CPNE4: variants seen among roughly 807,000 people sequenced by gnomAD.
CPNE4 encodes the protein copine 4, also known as copine-4.
In CPNE4, 25 loss-of-function variants were observed where a neutral mutation model predicts 67.9. The observed-to-expected ratio is 0.37, with a 90% CI of 0.27 to 0.51. The LOEUF (loss-of-function observed/expected upper bound fraction) is 0.51. CPNE4 is among the 20% of genes least tolerant of loss of function. The pLI is 0.93. For synonymous variants in CPNE4, 242 were observed against 244.9 expected, an observed-to-expected ratio of 0.99 and a Z score of 0.11; for missense variants, 464 against 690.8, an observed-to-expected ratio of 0.67 and a Z score of 3.68.
intron 1 of CPNE4, among the ~76,000 whole-genome samples, chr3:131,930,562 T>A (rs1032103255): frequency 6.6e-6 from 1 of 152,196 alleles, no homozygotes; most frequent in African/African-American, 2.4e-5. Context: ...CTGTCCTTGG[T>A]ACATTTTATA....
intron 2 of CPNE4, among the ~76,000 whole-genome samples, chr3:131,812,057 G>A (rs2084550801): frequency 6.6e-6 from 1 of 152,076 alleles, no homozygotes; most frequent in Admixed American, 6.6e-5. Flanking sequence ...AGAAATTTTA[G>A]TGTGCTGCCT....
chr3:131,676,040 ATT>A, intron 6 of CPNE4, among the ~76,000 whole-genome samples: 1 of 117,496 alleles, frequency 8.5e-6, no homozygotes, highest in Non-Finnish European at 1.5e-5. Flanking sequence ...TATTATTATT[ATT>A]ATTATTATTA....
chr3:132,017,218 G>T (rs1158206731), intron 1 of CPNE4, among the ~76,000 whole-genome samples: 1 of 151,982 alleles, frequency 6.6e-6, no homozygotes, highest in African/African-American at 2.4e-5. Flanking sequence ...ATGAGCAGAT[G>T]GATATAAAGG....
intron 11 of CPNE4, among the ~76,000 whole-genome samples, chr3:131,560,506 C>T (rs948260692): frequency 6.6e-6 from 1 of 152,020 alleles, no homozygotes; most frequent in African/African-American, 2.4e-5. Context: ...CTTGACCACC[C>T]CTCTTCCCAC....
chr3:131,568,482 G>A (rs1438134406), intron 10 of CPNE4, among the ~76,000 whole-genome samples: 1 of 152,134 alleles, frequency 6.6e-6, no homozygotes, highest in Non-Finnish European at 1.5e-5. Flanking sequence ...CGGTGAGCTC[G>A]CAGAGCCACC....
chr3:131,910,942 T>C (rs961288482), intron 1 of CPNE4, among the ~76,000 whole-genome samples: 8 of 152,128 alleles, frequency 5.3e-5, no homozygotes, highest in Admixed American at 4.6e-4. Flanking sequence ...GGAAAAGAGC[T>C]AAACTAGAAC....
rs534452152 is a variant in CPNE4, at chr3:131,773,815, G to A, written c.181-50190C>T. Among the ~76,000 whole-genome samples the A allele has an allele frequency of 3.7e-4, 57 of 152,086 alleles. 1 individual carries two copies. The South Asian group carries it at 9.4e-3, about 25-fold the overall frequency. On this transcript the variant is annotated intron_variant, in intron 2 of 15. Coordinates refer to ENST00000429747, the MANE Select transcript of CPNE4 (RefSeq NM_130808.3). The stretch of plus-strand genomic sequence containing the variant: ...TGATTTTTAATAACTGTGAAATCTC[G>A]CATCCTGTTTTTCTACATCATGTGC...
chr3:131,569,696 A>C (rs1036706080), intron 10 of CPNE4, among the ~76,000 whole-genome samples: 1 of 151,706 alleles, frequency 6.6e-6, no homozygotes, highest in Non-Finnish European at 1.5e-5. Context: ...GAAAGAAAGA[A>C]AGAGAGAAAG....
At chr3:131,923,461 T>C (rs1583460223) in intron 1 of CPNE4, among the ~76,000 whole-genome samples, 1 of 151,752 alleles carries the variant, frequency 6.6e-6, no homozygotes, top group Non-Finnish European at 1.5e-5. Context: ...TTCCAGCACT[T>C]TGGGAGGCCA....
intron 1 of CPNE4, among the ~76,000 whole-genome samples, chr3:132,029,899 T>C (rs548422096): frequency 6.6e-6 from 1 of 152,364 alleles, no homozygotes; most frequent in South Asian, 2.1e-4. Flanking sequence ...TCTCTTTGTT[T>C]ACTTTATTGA....
At chr3:131,632,016 A>T (rs775389928) in intron 7 of CPNE4, among the ~76,000 whole-genome samples, 23 of 150,664 alleles carry the variant, frequency 1.5e-4, no homozygotes, top group Non-Finnish European at 3.1e-4. Flanking sequence ...AGGCACGAGA[A>T]TCGCTTGAGC....
intron 2 of CPNE4, among the ~76,000 whole-genome samples, chr3:131,851,021 T>C (rs1018225003): frequency 2.6e-5 from 4 of 152,128 alleles, no homozygotes; most frequent in Non-Finnish European, 4.4e-5. Flanking sequence ...GAACCTTCAC[T>C]GCAGAACCAT....
intron 1 of CPNE4, among the ~76,000 whole-genome samples, chr3:131,974,220 G>A (rs1304570147): frequency 6.6e-6 from 1 of 152,164 alleles, no homozygotes; most frequent in African/African-American, 2.4e-5. Flanking sequence ...CCTGGAAGAG[G>A]TTAATGAAAG....
rs555174409 is a variant in CPNE4 at position 131,974,023 on chromosome 3, A to G, written c.-2+60544T>C. Among the ~76,000 whole-genome samples, 4 of 152,338 alleles carry G rather than the reference A, an allele frequency of 2.6e-5. No individual in the cohort carries two copies. The South Asian group carries it at 6.2e-4, about 24-fold the overall frequency. ...TTGAATCACCATGGCAACGAGAGTC[A>G]ATAGAGATACCTCCATGTAAATTTA... On this transcript the variant is annotated intron_variant, in intron 1 of 15. Coordinates refer to ENST00000429747, the MANE Select transcript of CPNE4 (RefSeq NM_130808.3).
chr3:131,555,649 C>A, intron 11 of CPNE4, 98 bp from the exon 12 acceptor site: 1 of 1,030,884 alleles, frequency 9.7e-7, no homozygotes, highest in South Asian at 1.4e-5. Context: ...GGTTGCTAGG[C>A]CATGTTGCTA....
chr3:131,810,446 T>G (rs2084479722), intron 2 of CPNE4, among the ~76,000 whole-genome samples: 1 of 151,600 alleles, frequency 6.6e-6, no homozygotes, highest in African/African-American at 2.4e-5. Context: ...AATATAAACA[T>G]GAGGGAAACG....
chr3:131,853,848 T>C (rs2086332516), intron 2 of CPNE4, among the ~76,000 whole-genome samples: 1 of 151,860 alleles, frequency 6.6e-6, no homozygotes, highest in African/African-American at 2.4e-5. Context: ...TAATATTTCA[T>C]GCCCACTAAA....
intron 2 of CPNE4, among the ~76,000 whole-genome samples, chr3:131,875,895 G>T (rs2087425243): frequency 6.6e-6 from 1 of 152,136 alleles, no homozygotes; most frequent in Non-Finnish European, 1.5e-5. Flanking sequence ...AAACCAATTT[G>T]CCATTTGTCA....
At chr3:131,916,346 A>AG in intron 1 of CPNE4, among the ~76,000 whole-genome samples, 1 of 82,848 alleles carries the variant, frequency 1.2e-5, no homozygotes, top group East Asian at 5.1e-4. Context: ...GTTTCCAGTT[A>AG]GAAAAAAAAA....
Sources: allele counts gnomAD v4.1 joint callset (sites outside exome capture counted in the v4.1 genomes callset), GRCh38; gene constraint gnomAD v4.1.1; transcripts MANE v1.5; gene names NCBI Gene and HGNC (gene_info 2026-07-23, HGNC 2026-07-21).